The following MGST3 variants were observed in gnomAD, a reference collection of about 807,000 sequenced individuals.
MGST3 encodes glutathione S-transferase 3, mitochondrial.
In MGST3, 13 loss-of-function variants were observed where a neutral mutation model predicts 15.8. That is an observed-to-expected ratio of 0.82 (90% CI 0.54 to 1.31). The LOEUF (loss-of-function observed/expected upper bound fraction) is 1.31, where lower values mean the gene tolerates loss of function less well. Among genes scored for constraint, MGST3 ranks in the 50% most tolerant of loss-of-function variants. The probability of loss-of-function intolerance (pLI) is 0.00; values close to 1 mark genes in which losing one functional copy is unlikely to be tolerated. For missense variants in MGST3, 155 were observed against 192.4 expected, an observed-to-expected ratio of 0.81 and a Z score of 1.15; for synonymous variants, 49 against 68.1, an observed-to-expected ratio of 0.72 and a Z score of 1.38.
chr1:165,636,002 T>G (rs938314215), intron 1 of MGST3, among the ~76,000 whole-genome samples: 3 of 152,186 alleles, frequency 2.0e-5, no homozygotes, highest in African/African-American at 4.8e-5. Flanking sequence ...TTACCTAGGT[T>G]TCTGTTCCTT....
intron 4 of MGST3, chr1:165,654,026 T>G: frequency 2.1e-6 from 1 of 473,586 alleles, no homozygotes; most frequent in South Asian, 2.1e-5. Flanking sequence ...GGGGATTCCT[T>G]CTATCCCACC....
chr1:165,650,795 A>G (rs1648531040), intron 2 of MGST3: 2 of 571,622 alleles, frequency 3.5e-6, no homozygotes, highest in East Asian at 3.1e-5. Flanking sequence ...TACAGCGCAG[A>G]CATACATTCT....
chr1:165,634,778 CCT>C (rs1648060651), intron 1 of MGST3, among the ~76,000 whole-genome samples: 1 of 124,730 alleles, frequency 8.0e-6, no homozygotes, highest in African/African-American at 3.1e-5. Context: ...TCTCTCCCTC[CCT>C]CTCCCTCCCT....
Position 165,655,893 on chromosome 1 carries a change from C to A in MGST3, c.*389C>A. 1 of 239,126 alleles carries A rather than the reference C, an allele frequency of 4.2e-6. No individual in the cohort carries two copies. 14.8% of individuals were successfully genotyped at this position (239,126 alleles called of 1,614,324 possible). ...TCCAAGGCCAAAGGAATGCTTGAGCCTAAAAGTTCAAGACCAGCCTGGGCA... is the reference window on the plus strand; with the variant it reads ...TCCAAGGCCAAAGGAATGCTTGAGCATAAAAGTTCAAGACCAGCCTGGGCA... On this transcript the variant is annotated 3_prime_UTR_variant, in exon 6 of 6. Coordinates refer to ENST00000367889, the MANE Select transcript of MGST3 (RefSeq NM_004528.4).
chr1:165,634,800 C>CTCCCTCCCTCCCCCA (rs1383199780), intron 1 of MGST3, among the ~76,000 whole-genome samples: 1 of 17,610 alleles, frequency 5.7e-5, no homozygotes, highest in African/African-American at 2.3e-4. Context: ...TCCCTCCCCC[C>CTCCCTCCCTCCCCCA]CACTCTCAAC....
At chr1:165,635,733 A>T (rs1648093584) in intron 1 of MGST3, 1 of 152,224 alleles carries the variant, frequency 6.6e-6, no homozygotes, top group African/African-American at 2.4e-5. Context: ...AAAGGGACAG[A>T]TCTTCCATCC....
intron 1 of MGST3, chr1:165,648,341 T>C (rs928510911): frequency 3.9e-5 from 6 of 152,154 alleles, no homozygotes; most frequent in African/African-American, 1.4e-4. Context: ...TGAATCATGG[T>C]GGGGAGGAGG....
At chr1:165,655,170 A>G (rs184486058) in intron 5 of MGST3, among the ~76,000 whole-genome samples, 198 bp from the exon 6 acceptor site, 61 of 152,340 alleles carry the variant, frequency 4.0e-4, no homozygotes, top group Non-Finnish European at 6.5e-4. Context: ...CTAAGATCCA[A>G]GCAATACTAC....
intron 1 of MGST3, among the ~76,000 whole-genome samples, chr1:165,648,187 T>G (rs894202288): frequency 1.3e-5 from 2 of 152,254 alleles, no homozygotes; most frequent in East Asian, 3.8e-4. Flanking sequence ...TCTCTGCAGC[T>G]GCACAGACAG....
At chr1:165,649,737 TA>T (rs1431753668) in intron 1 of MGST3, 103 bp from the exon 2 acceptor site, 57 of 1,408,654 alleles carry the variant, frequency 4.0e-5, no homozygotes, top group Non-Finnish European at 5.2e-5. Flanking sequence ...TTTTGGTCTC[TA>T]TTTACTCATT....
intron 1 of MGST3, chr1:165,646,103 A>C (rs966608573): frequency 6.6e-6 from 1 of 152,218 alleles, no homozygotes; most frequent in African/African-American, 2.4e-5. Flanking sequence ...CTGCGGTTCA[A>C]ATGAGTGCTC....
intron 1 of MGST3, among the ~76,000 whole-genome samples, chr1:165,641,893 A>T (rs1648273789): frequency 6.6e-6 from 1 of 152,216 alleles, no homozygotes; most frequent in Admixed American, 6.5e-5. Context: ...TTTCTAATTT[A>T]AAAAAATAGA....
In MGST3 at chr1:165,631,255, G is replaced by T. The variant is rs9333370; in HGVS notation, c.-46G>T. 0.019 allele frequency: 2,835 copies of T among 152,840 alleles called. 38 individuals carry two copies. The highest frequency in any genetic ancestry group is 0.027 in the Middle Eastern group (8 of 298). The allele number at this position is 152,840 out of a possible 1,614,324, so 9.5% of individuals were successfully genotyped here. On this transcript the variant is annotated 5_prime_UTR_variant, in exon 1 of 6. Coordinates refer to ENST00000367889, the MANE Select transcript of MGST3 (RefSeq NM_004528.4). ...GGGCGCCGCACCCACACCGCGCTGC[G>T]CAGTTTTGTTCTGCTCCAGCTGTTC...
intron 4 of MGST3, chr1:165,653,761 T>C (rs183120554): frequency 6.8e-4 from 112 of 164,522 alleles, no homozygotes; most frequent in South Asian, 9.9e-4. Flanking sequence ...GCTCCCCTTC[T>C]TTCTAGTGGA....
chr1:165,654,891 T>G (rs1648667619), intron 5 of MGST3, among the ~76,000 whole-genome samples: 1 of 152,194 alleles, frequency 6.6e-6, no homozygotes, highest in South Asian at 2.1e-4. Flanking sequence ...CTTACAACAA[T>G]TCTGTAATAC....
chr1:165,634,021 A>C (rs973547159), intron 1 of MGST3, among the ~76,000 whole-genome samples: 9 of 147,062 alleles, frequency 6.1e-5, no homozygotes, highest in African/African-American at 2.2e-4. Flanking sequence ...GAACTTTCCC[A>C]AAGTTTTTTT....
intron 4 of MGST3, chr1:165,653,828 A>C: frequency 4.2e-6 from 1 of 236,982 alleles, no homozygotes; most frequent in Middle Eastern, 1.6e-3. Context: ...CCAGTGACTG[A>C]CTTCACATAG....
chr1:165,638,047 T>TACCCC (rs1391317471), intron 1 of MGST3, among the ~76,000 whole-genome samples: 1 of 152,130 alleles, frequency 6.6e-6, no homozygotes, highest in African/African-American at 2.4e-5. Context: ...ACCCCCCACG[T>TACCCC]CCTATACCCT....
chr1:165,646,950 G>C (rs898355739), intron 1 of MGST3: 2 of 152,176 alleles, frequency 1.3e-5, no homozygotes, highest in South Asian at 4.1e-4. Flanking sequence ...TCCATGGCTC[G>C]TGCGGGGGAC....
Sources: allele counts gnomAD v4.1 joint callset (sites outside exome capture counted in the v4.1 genomes callset), GRCh38; gene constraint gnomAD v4.1.1; transcripts MANE v1.5; gene names NCBI Gene and HGNC (gene_info 2026-07-23, HGNC 2026-07-21).